The following TRPM3 variants were observed in gnomAD, a reference collection of about 807,000 sequenced individuals.
The protein encoded by TRPM3 is long transient receptor potential channel 3.
A neutral mutation model predicts 181.2 loss-of-function variants in TRPM3; 77 were observed. That is an observed-to-expected ratio of 0.42 (90% CI 0.35 to 0.51). The LOEUF is 0.51. Among genes scored for constraint, TRPM3 ranks in the 20% least tolerant of loss-of-function variants. The pLI is 0.01. For missense variants in TRPM3, 1,759 were observed against 2,196.7 expected (o/e 0.80, Z 3.98); for synonymous variants, 745 against 796.4 (o/e 0.94, Z 1.09).
rs2083068237 is a variant in TRPM3 at position 70,784,116 on chromosome 9, T to C, written c.1137A>G (p.Ser379=). The change falls in exon 7 of 26, where the codon TCA becomes TCG. Residue 379 remains serine, a synonymous_variant. Transcript: ENST00000677713. ...GGAAAGTTACCTACCCGCCTTCTTC[T>C]GAGTATTTATGCCCAAAGGCCAGGA... ...SDILAFGHKY[S]EEGGLINESL... 4 of 1,613,108 alleles carry C rather than the reference T, an allele frequency of 2.5e-6. No individual in the cohort carries two copies. Among genetic ancestry groups the C allele is most frequent in the Admixed American group, 1.7e-5 (1 of 59,962 alleles).
At chr9:70,865,050 G>C (rs75237586) in intron 1 of TRPM3, among the ~76,000 whole-genome samples, 12 of 150,472 alleles carry the variant, frequency 8.0e-5, no homozygotes, top group South Asian at 2.1e-4. Context: ...GGGGGTTGGG[G>C]GGGGGGAGGA....
chr9:70,536,167 C>G lies in TRPM3; in HGVS notation c.4946G>C (p.Ser1649Thr). ...CGCACTTGGCTCCTCTGCCGAGTAGCTGTTGGCGCGCTCTATCTTGGGAAC... is the reference window on the plus strand; with the variant it reads ...CGCACTTGGCTCCTCTGCCGAGTAGGTGTTGGCGCGCTCTATCTTGGGAAC... ...ITVPKIERAN[S>T]YSAEEPSAPY... is the part of the protein sequence containing the mutation. Residue 1649 changes from serine (S) to threonine (T), a missense_variant, in exon 26 of 26, where the codon AGC (serine) becomes ACC (threonine). Ser to Thr is a moderately conservative substitution (Grantham distance 58, BLOSUM62 1). Coordinates refer to ENST00000677713, the MANE Select transcript of TRPM3 (RefSeq NM_001366145.2). 1 of 1,614,150 alleles carries G rather than the reference C, an allele frequency of 6.2e-7. No individual in the cohort carries two copies. The highest frequency in any genetic ancestry group is 8.5e-7 in the Non-Finnish European group (1 of 1,180,024).
intron 6 of TRPM3, among the ~76,000 whole-genome samples, chr9:70,788,766 T>C (rs896179263): frequency 6.6e-6 from 1 of 152,168 alleles, no homozygotes; most frequent in Non-Finnish European, 1.5e-5. Context: ...GATGGGAGAC[T>C]GTGACAGATC....
intron 1 of TRPM3, among the ~76,000 whole-genome samples, chr9:71,180,337 G>T (rs922811687): frequency 2.0e-5 from 3 of 152,130 alleles, no homozygotes; most frequent in Non-Finnish European, 2.9e-5. Context: ...TTACAGGCAT[G>T]AGCCACTTCA....
chr9:70,603,319 T>A, intron 20 of TRPM3, 23 bp downstream of exon 20: 3 of 1,607,388 alleles, frequency 1.9e-6, no homozygotes, highest in Middle Eastern at 1.7e-4. Context: ...TTCTCTTACG[T>A]TTTCTTTTAT....
chr9:70,986,562 T>A (rs1038530708), intron 1 of TRPM3, among the ~76,000 whole-genome samples: 1 of 152,122 alleles, frequency 6.6e-6, no homozygotes, highest in African/African-American at 2.4e-5. Flanking sequence ...GATATTATTA[T>A]CTCCATTTCA....
chr9:71,319,057 A>G (rs913436447), intron 1 of TRPM3, among the ~76,000 whole-genome samples: 5 of 39,700 alleles, frequency 1.3e-4, no homozygotes, highest in African/African-American at 2.7e-4. Context: ...TGTCCCATGT[A>G]TCAAAAGTTT....
At chr9:70,638,546 C>T (rs2057569895) in intron 11 of TRPM3, among the ~76,000 whole-genome samples, 1 of 152,054 alleles carries the variant, frequency 6.6e-6, no homozygotes. Context: ...CAAATCATTA[C>T]TAAGCTAAAA....
intron 1 of TRPM3, among the ~76,000 whole-genome samples, chr9:71,216,445 A>C (rs2079873942): frequency 1.3e-5 from 2 of 152,236 alleles, no homozygotes; most frequent in Non-Finnish European, 2.9e-5. Flanking sequence ...ACTTTAATCT[A>C]CACAAAATAA....
At position 70,877,924 on chromosome 9, in the gene TRPM3, T is replaced by C. The variant is rs574217044; in HGVS notation, c.178-13413A>G. On this transcript the variant is annotated intron_variant, in intron 1 of 25. Transcript: ENST00000677713. ...CCACTGGTGATGGTATATTATATAC[T>C]ATTGTACTAGTTGGATCCCCAAATA... Among the ~76,000 whole-genome samples, 7 of 152,152 alleles carry C rather than the reference T, an allele frequency of 4.6e-5. No homozygotes were observed. In the South Asian group the frequency reaches 1.0e-3, roughly 23 times the overall value.
At chr9:70,954,228 C>T (rs2097039254) in intron 1 of TRPM3, among the ~76,000 whole-genome samples, 1 of 152,164 alleles carries the variant, frequency 6.6e-6, no homozygotes, top group African/African-American at 2.4e-5. Flanking sequence ...CTTCCCTGTT[C>T]AGGACAATAA....
chr9:70,598,714 T>C, intron 20 of TRPM3, 44 bp from the exon 21 acceptor site: 1 of 1,590,286 alleles, frequency 6.3e-7, no homozygotes, highest in Middle Eastern at 1.8e-4. Context: ...GGTTTCTGTC[T>C]GTATTTTCAG....
intron 7 of TRPM3, among the ~76,000 whole-genome samples, chr9:70,773,089 G>A (rs776651974): frequency 3.9e-5 from 6 of 152,172 alleles, no homozygotes; most frequent in Non-Finnish European, 5.9e-5. Flanking sequence ...CTTACTCACA[G>A]GAGAAGTTAC....
Position 70,610,704 on chromosome 9 carries a change from C to T in TRPM3, c.2572G>A (p.Glu858Lys). 6.2e-7 allele frequency: 1 copy of T among 1,614,210 alleles called. No individual in the cohort carries two copies. Among genetic ancestry groups the T allele is most frequent in the Non-Finnish European group, 8.5e-7 (1 of 1,180,020 alleles). The change falls in exon 19 of 26, where the codon GAA becomes AAA. Residue 858 changes from glutamate to lysine, a missense_variant. By Grantham distance (56) the Glu-to-Lys change is moderately conservative (BLOSUM62 1). Transcript: ENST00000677713. ...NNGESSRKKD[E>K]EEVQSKHRLI... ...CGGTGCTTGCTCTGAACTTCCTCTT[C>T]ATCCTTCTTCCTGGAGGACTCCCCG... is the stretch of plus-strand genomic sequence containing the variant.
At chr9:70,770,028 C>T (rs1339746940) in intron 7 of TRPM3, among the ~76,000 whole-genome samples, 2 of 152,124 alleles carry the variant, frequency 1.3e-5, no homozygotes, top group Non-Finnish European at 2.9e-5. Context: ...TTTTCTTGAT[C>T]CTTTTCCTTT....
intron 22 of TRPM3, among the ~76,000 whole-genome samples, chr9:70,567,670 A>T (rs1247157477): frequency 6.7e-6 from 1 of 148,158 alleles, no homozygotes; most frequent in Non-Finnish European, 1.5e-5. Flanking sequence ...GTCGTATAAA[A>T]ATTGGCTAGT....
intron 5 of TRPM3, among the ~76,000 whole-genome samples, chr9:70,837,774 G>A (rs950682137): frequency 3.9e-5 from 6 of 152,126 alleles, no homozygotes; most frequent in African/African-American, 1.4e-4. Flanking sequence ...AAGGGGCTCC[G>A]GTCATGCATC....
At chr9:71,252,675 TTTTC>T (rs533050044) in intron 1 of TRPM3, among the ~76,000 whole-genome samples, 24 of 151,534 alleles carry the variant, frequency 1.6e-4, no homozygotes, top group Non-Finnish European at 3.2e-4. Flanking sequence ...TAGAAAGACT[TTTTC>T]TTTCTTTTTT....
At chr9:70,676,760 G>T (rs1441853899) in intron 9 of TRPM3, among the ~76,000 whole-genome samples, 3 of 152,042 alleles carry the variant, frequency 2.0e-5, no homozygotes, top group Non-Finnish European at 4.4e-5. Context: ...TAAACTGAAG[G>T]TCCCAGAAGC....
Sources: allele counts gnomAD v4.1 joint callset (sites outside exome capture counted in the v4.1 genomes callset), GRCh38; gene constraint gnomAD v4.1.1; transcripts MANE v1.5; gene names NCBI Gene and HGNC (gene_info 2026-07-23, HGNC 2026-07-21).